The following KDM4B variants were observed in gnomAD, a reference collection of about 807,000 sequenced individuals.
The protein encoded by KDM4B is lysine demethylase 4B, also known as lysine-specific demethylase 4B.
In KDM4B, 32 loss-of-function variants were observed where a neutral mutation model predicts 125.2. The observed-to-expected ratio is 0.26, with a 90% confidence interval of 0.19 to 0.34. KDM4B has a LOEUF of 0.34. Ranked by LOEUF, KDM4B falls within the 10% of genes least tolerant of loss-of-function variation. KDM4B has a pLI of 1.00. For synonymous variants in KDM4B, 721 were observed against 677.9 expected, an observed-to-expected ratio of 1.06 and a Z score of -0.99; for missense variants, 1,190 against 1,577.7, an observed-to-expected ratio of 0.75 and a Z score of 4.16.
chr19:5,077,870 A>G (rs1464897562), intron 8 of KDM4B: 2 of 214,218 alleles, frequency 9.3e-6, no homozygotes, highest in Non-Finnish European at 1.9e-5. Context: ...CTACCGCCCC[A>G]GGCCACACCC....
chr19:5,037,071 C>A (rs555929454), intron 3 of KDM4B, among the ~76,000 whole-genome samples: 107 of 152,368 alleles, frequency 7.0e-4, no homozygotes, highest in African/African-American at 2.5e-3. Context: ...GGCGTTCTTT[C>A]AAGAGCAGAG....
At position 4,988,552 on chromosome 19, in the gene KDM4B, G is replaced by A. The variant is rs113557748; in HGVS notation, c.-109+19322G>A. Among the ~76,000 whole-genome samples the A allele has an allele frequency of 4.1e-3, 618 of 152,310 alleles. 6 individuals are homozygous for A. The highest frequency in any genetic ancestry group is 0.014 in the African/African-American group (586 of 41,572). ...GGCTTCCCAAAGTGCTGGGATTACA[G>A]GCATGAGCCACCGTGCCCGGCCTCA... On this transcript the variant is annotated intron_variant, in intron 1 of 22. Transcript: ENST00000159111.
intron 10 of KDM4B, 37 bp downstream of exon 10, chr19:5,110,855 AT>A: frequency 1.3e-6 from 2 of 1,498,304 alleles, no homozygotes; most frequent in South Asian, 1.2e-5. Context: ...ACTGCCCAGC[AT>A]CACGGGGGGT....
Position 4,969,155 on chromosome 19 carries a change from G to A in KDM4B, c.-184G>A, listed in dbSNP as rs1180770099. On this transcript the variant is annotated 5_prime_UTR_variant, in exon 1 of 23. Coordinates refer to ENST00000159111, the MANE Select transcript of KDM4B (RefSeq NM_015015.3). ...AACCGAGCGGGGCCCGGCCCGAGCG[G>A]GGCCTGGGGGTGCGACGCCGAGGGC... is the stretch of plus-strand genomic sequence containing the variant. The A allele has an allele frequency of 2.7e-5, 4 of 150,730 alleles. No individual in the cohort carries two copies. Among genetic ancestry groups the A allele is most frequent in the Non-Finnish European group, 4.4e-5 (3 of 67,654 alleles). The allele number at this position is 150,730 out of a possible 1,614,324, so 9.3% of individuals were successfully genotyped here.
intron 9 of KDM4B, among the ~76,000 whole-genome samples, chr19:5,084,346 T>C (rs1471558406): frequency 6.9e-6 from 1 of 144,302 alleles, no homozygotes; most frequent in Non-Finnish European, 1.5e-5. Flanking sequence ...TTATATATTG[T>C]ATGTAATTTA....
chr19:5,144,811 C>T lies in KDM4B; in HGVS notation c.2930C>T (p.Pro977Leu). 1.2e-6 allele frequency: 2 copies of T among 1,613,496 alleles called. No homozygotes were observed. Among genetic ancestry groups the T allele is most frequent in the Non-Finnish European group, 1.7e-6 (2 of 1,179,922 alleles). Residue 977 changes from proline (P) to leucine (L), a missense_variant, in exon 21 of 23, where the codon CCT becomes CTT. Around this residue, in one of 7 missense-constraint regions of KDM4B, gnomAD observed 298 missense variants for 439.7 expected, o/e 0.68. Transcript: ENST00000159111. ...TSRDCVQLGP[P>L]SEGELVELRW... ...AGGGACTGTGTCCAGCTGGGACCCCCTTCCGAGGGGGAGCTGGTGGAGCTC... is the reference window on the plus strand; with the variant it reads ...AGGGACTGTGTCCAGCTGGGACCCCTTTCCGAGGGGGAGCTGGTGGAGCTC...
At chr19:5,000,810 C>T (rs184911973) in intron 1 of KDM4B, among the ~76,000 whole-genome samples, 146 of 152,198 alleles carry the variant, frequency 9.6e-4, no homozygotes, top group Admixed American at 1.4e-3. Context: ...ATTTTAGTTG[C>T]CTGTTGATTG....
In KDM4B at chr19:5,119,819, C is replaced by T; in HGVS notation, c.1282C>T (p.Leu428=). 1.9e-6 allele frequency: 3 copies of T among 1,544,726 alleles called. No homozygotes were observed. The highest frequency in any genetic ancestry group is 1.2e-5 in the South Asian group (1 of 83,260). Residue 428 remains leucine (L), a synonymous_variant, in exon 11 of 23, where the codon CTG becomes TTG. Transcript: ENST00000159111. ...GGAGGAGGAGGAGGAGCCGCAGCCA[C>T]TGCCACACGGCCGGGAGGCCGAGGG... ...PEEEEEEPQP[L]PHGREAEGAE...
chr19:5,041,538 G>T (rs570740924), intron 5 of KDM4B, among the ~76,000 whole-genome samples: 1 of 152,332 alleles, frequency 6.6e-6, no homozygotes, highest in African/African-American at 2.4e-5. Flanking sequence ...TTACAAACAC[G>T]TGTACTTTCC....
chr19:5,001,989 G>GC (rs1240884825), intron 1 of KDM4B, among the ~76,000 whole-genome samples: 4 of 140,200 alleles, frequency 2.9e-5, no homozygotes, highest in African/African-American at 1.1e-4. Flanking sequence ...TTTCCTTTGT[G>GC]TTTTTTTTTT....
At position 5,137,946 on chromosome 19, in the gene KDM4B, G is replaced by GC. The variant is rs773180007; in HGVS notation, c.2442-15dup. 8 of 1,603,752 alleles carry GC rather than the reference G, an allele frequency of 5.0e-6. No homozygotes were observed. Among genetic ancestry groups the GC allele is most frequent in the Non-Finnish European group, 6.8e-6 (8 of 1,173,832 alleles). ...CCTCAGAGGCGCACCTGACCCCGCTGCACCTGCCCTCCCAGGTGGATCCAC... is the reference window on the plus strand; with the variant it reads ...CCTCAGAGGCGCACCTGACCCCGCTGCCACCTGCCCTCCCAGGTGGATCCAC... On this transcript the variant is annotated splice_polypyrimidine_tract_variant and intron_variant, in intron 17 of 22. Transcript: ENST00000159111.
intron 5 of KDM4B, among the ~76,000 whole-genome samples, chr19:5,042,298 C>G (rs144255384): frequency 2.8e-4 from 42 of 152,096 alleles, no homozygotes; most frequent in African/African-American, 1.0e-3. Flanking sequence ...GTCAGGAGTT[C>G]AAGACCAGCT....
chr19:5,025,475 C>T (rs1439429025), intron 2 of KDM4B, among the ~76,000 whole-genome samples: 1 of 152,246 alleles, frequency 6.6e-6, no homozygotes. Flanking sequence ...GCCCTGGAAG[C>T]CAGCCCTGCC....
intron 2 of KDM4B, among the ~76,000 whole-genome samples, chr19:5,019,574 G>T (rs1462430869): frequency 2.0e-5 from 3 of 148,040 alleles, no homozygotes; most frequent in African/African-American, 7.5e-5. Flanking sequence ...GTGGATGTTG[G>T]TGTGCAGGTG....
At chr19:5,110,377 C>T (rs1033918039) in intron 9 of KDM4B, among the ~76,000 whole-genome samples, 10 of 152,108 alleles carry the variant, frequency 6.6e-5, no homozygotes, top group Admixed American at 2.0e-4. Context: ...GAGGCTGAGG[C>T]GGGAGAATCG....
rs1234602848 is a variant in KDM4B, at chr19:5,081,435, G to T, written c.781-932G>T. Among the ~76,000 whole-genome samples the T allele has an allele frequency of 6.6e-6, 1 of 152,178 alleles. No homozygotes were observed. Among genetic ancestry groups the T allele is most frequent in the Non-Finnish European group, 1.5e-5 (1 of 68,022 alleles). On this transcript the variant is annotated intron_variant, in intron 8 of 22. Coordinates refer to ENST00000159111, the MANE Select transcript of KDM4B (RefSeq NM_015015.3). The surrounding 1 kb of genome is among the most constrained non-coding windows in gnomAD (Gnocchi z 4.2). ...AGTGGGGAGGGTTCCTAGGGCACAA[G>T]GCTGTAGCCCCCCAGCCCTGGTAGG...
chr19:5,096,550 G>A (rs7257516), intron 9 of KDM4B, among the ~76,000 whole-genome samples: 18 of 152,168 alleles, frequency 1.2e-4, no homozygotes, highest in Admixed American at 4.6e-4. Context: ...TCTCACTTCC[G>A]TGCGATGTGG....
intron 2 of KDM4B, among the ~76,000 whole-genome samples, chr19:5,018,991 T>C (rs1486428067): frequency 1.3e-5 from 2 of 152,226 alleles, no homozygotes; most frequent in Non-Finnish European, 2.9e-5. Context: ...TCTCTGGCTA[T>C]TGGGAGTCGT....
rs1009329044 is a variant in KDM4B, at chr19:5,141,081, C to G, written c.2551-2886C>G. The G allele has an allele frequency of 1.3e-5, 2 of 152,286 alleles. No individual in the cohort carries two copies. The highest frequency in any genetic ancestry group is 1.5e-5 in the Non-Finnish European group (1 of 68,070). 9.4% of individuals were successfully genotyped at this position (152,286 alleles called of 1,614,324 possible). A position where few individuals can be genotyped will look rare whatever the true frequency, so the allele number is the denominator to read the frequency against. ...TGGGACTGATGCCGGCCACAAAGCC[C>G]GGGCTCCCATGCACTGGTGCGAGGT... is the stretch of plus-strand genomic sequence containing the variant. On this transcript the variant is annotated intron_variant, in intron 18 of 22. Coordinates refer to ENST00000159111, the MANE Select transcript of KDM4B (RefSeq NM_015015.3). This position sits in a 1 kb window ranked among gnomAD's most constrained non-coding sequence, Gnocchi z 6.4.
Sources: gnomAD v4.1 joint callset for allele counts (sites outside exome capture counted in the v4.1 genomes callset) on GRCh38, gnomAD v4.1.1 for gene constraint, gnomAD v4.1.1 regional missense constraint, Gnocchi (gnomAD v3.1) non-coding constraint, MANE v1.5 for transcripts, NCBI Gene and HGNC (gene_info 2026-07-23, HGNC 2026-07-21) for gene names.